MYO15A: variants seen among roughly 807,000 people sequenced by gnomAD.
MYO15A encodes the protein unconventional myosin-XV.
A neutral mutation model predicts 394.6 loss-of-function variants in MYO15A; 308 were observed. The ratio of observed to expected loss-of-function variants is 0.78; its 90% CI spans 0.71 to 0.86. MYO15A has a LOEUF of 0.86. Ranked by LOEUF, MYO15A falls within the 40% of genes least tolerant of loss-of-function variation. The probability of loss-of-function intolerance (pLI) is 0.00; values close to 1 mark genes in which losing one functional copy is unlikely to be tolerated. For synonymous variants in MYO15A, 1,957 were observed against 2,003.8 expected (o/e 0.98, Z 0.62); for missense variants, 4,606 against 4,799.1 (o/e 0.96, Z 1.19).
chr17:18,159,431 G>C (rs2046741537), intron 54 of MYO15A, 84 bp downstream of exon 54: 3 of 1,534,098 alleles, frequency 2.0e-6, no homozygotes, highest in Non-Finnish European at 2.7e-6. Context: ...ACTCCTCCCT[G>C]ATCTTCAGAT....
Position 18,141,644 on chromosome 17 carries a change from C to T in MYO15A, c.5532-9C>T, listed in dbSNP as rs1157083278. 3 of 1,613,228 alleles carry T rather than the reference C, an allele frequency of 1.9e-6. No homozygotes were observed. Among genetic ancestry groups the T allele is most frequent in the African/African-American group, 2.7e-5 (2 of 74,904 alleles). On this transcript the variant is annotated splice_polypyrimidine_tract_variant and intron_variant, in intron 22 of 65. Transcript: ENST00000647165. ...CATAGCCCCAGACTAACTTTGGGCC[C>T]CCTACCAGGTACTGCTGTCTAGTGG...
rs2046692004 is a variant in MYO15A at position 18,157,228 on chromosome 17, T to A, written c.8786T>A (p.Phe2929Tyr). 3 of 1,603,348 alleles carry A rather than the reference T, an allele frequency of 1.9e-6. No individual in the cohort carries two copies. The highest frequency in any genetic ancestry group is 2.7e-5 in the African/African-American group (2 of 74,716). ...LEELRRRGPD[F>Y]GWRFGTIHGR... ...GAGCTGCGACGTAGAGGCCCCGACT[T>A]TGGTGTGTGCCCCAGAACCTGGAAC... Residue 2929 changes from phenylalanine to tyrosine, a missense_variant and splice_region_variant, in exon 50 of 66, where the codon TTT becomes TAT. Physicochemically the swap from Phe to Tyr is conservative, Grantham distance 22. Transcript: ENST00000647165.
At chr17:18,136,804 T>TCATG in intron 15 of MYO15A, 118 bp downstream of exon 15, 1 of 1,381,042 alleles carries the variant, frequency 7.2e-7, no homozygotes, top group East Asian at 2.5e-5. Flanking sequence ...CATCCTCCCT[T>TCATG]CATGGACCCC....
Position 18,153,682 on chromosome 17 carries a change from C to G in MYO15A, c.7967-93C>G, listed in dbSNP as rs2046623820. ...CACTGCACTCTAGCCTGGGGGACAA[C>G]AGCGAAACTCCGTCTCAAAAATATA... On this transcript the variant is annotated intron_variant, in intron 42 of 65. Coordinates refer to ENST00000647165, the MANE Select transcript of MYO15A (RefSeq NM_016239.4). The surrounding 1 kb of genome is among the most constrained non-coding windows in gnomAD (Gnocchi z 4.1). 1 of 1,243,726 alleles carries G rather than the reference C, an allele frequency of 8.0e-7. No individual in the cohort carries two copies. 77.0% of individuals were successfully genotyped at this position (1,243,726 alleles called of 1,614,324 possible).
At chr17:18,162,855 C>T (rs2046796320) in intron 58 of MYO15A, among the ~76,000 whole-genome samples, 176 bp downstream of exon 58, 1 of 152,158 alleles carries the variant, frequency 6.6e-6, no homozygotes, top group South Asian at 2.1e-4. Context: ...CAAAAATTAG[C>T]CGGGCATGGT....
At position 18,127,391 on chromosome 17, in the gene MYO15A, A is replaced by T. The variant is rs73979301; in HGVS notation, c.4032+226A>T. On this transcript the variant is annotated intron_variant, in intron 7 of 65. Coordinates refer to ENST00000647165, the MANE Select transcript of MYO15A (RefSeq NM_016239.4). ...TGTTTCTGTGGCAGCTCCTGCTTCC[A>T]GCCCTCCGGGTCCAGTTCAGAGTGG... 3.8e-3 allele frequency among the ~76,000 whole-genome samples: 582 copies of T among 152,214 alleles called. 3 individuals are homozygous for T. The highest frequency in any genetic ancestry group is 0.013 in the African/African-American group (527 of 41,508).
At position 18,173,553 on chromosome 17, in the gene MYO15A, A is replaced by G. The variant is rs571173689; in HGVS notation, c.10351-228A>G. On this transcript the variant is annotated intron_variant, in intron 64 of 65. Transcript: ENST00000647165. ...CTTAGAACAGTGCCTGGTACATGATAGATGCATCATCTCATCAGTATTTGT... is the reference window on the plus strand; with the variant it reads ...CTTAGAACAGTGCCTGGTACATGATGGATGCATCATCTCATCAGTATTTGT... 3.4e-4 allele frequency: 199 copies of G among 585,474 alleles called. 1 individual carries two copies. Among genetic ancestry groups the G allele is most frequent in the Non-Finnish European group, 5.3e-4 (166 of 313,676 alleles). 36.3% of individuals were successfully genotyped at this position (585,474 alleles called of 1,614,324 possible). A position where few individuals can be genotyped will look rare whatever the true frequency, so the allele number is the denominator to read the frequency against.
At position 18,122,321 on chromosome 17, in the gene MYO15A, C is replaced by T; in HGVS notation, c.3521C>T (p.Pro1174Leu). 1 of 1,612,982 alleles carries T rather than the reference C, an allele frequency of 6.2e-7. No homozygotes were observed. Among genetic ancestry groups the T allele is most frequent in the South Asian group, 1.1e-5 (1 of 91,086 alleles). Residue 1174 changes from proline to leucine, a missense_variant, in exon 2 of 66, where the codon CCC becomes CTC. This residue lies in a region of MYO15A where 1,830 missense variants were observed against 1,689.7 expected (regional missense o/e 1.08). Coordinates refer to ENST00000647165, the MANE Select transcript of MYO15A (RefSeq NM_016239.4). Reference protein sequence around the residue: ...YGPWPRVHTHPQSCHLGPGAA... With the variant: ...YGPWPRVHTHLQSCHLGPGAA... The stretch of plus-strand genomic sequence containing the variant: ...CCCTGGCCACGAGTACACACCCATC[C>T]CCAGTCCTGCCACCTGGGCCCTGGA...
chr17:18,171,571 T>C (rs2046940241), intron 62 of MYO15A, 67 bp from the exon 63 acceptor site: 1 of 1,610,086 alleles, frequency 6.2e-7, no homozygotes. Context: ...GCATGCCTGC[T>C]GCACAGTGAG....
rs1006770 is a variant in MYO15A at position 18,155,147 on chromosome 17, G to A, written c.8262G>A (p.Thr2754=). The part of the protein sequence containing the change: ...NQLDTQKPLV[T]ESVKRAVVST... ...TGGACACACAGAAGCCTCTGGTAACGGAAAGCGTGAAGCGGGCCGTGGTCA... is the reference window on the plus strand; with the variant it reads ...TGGACACACAGAAGCCTCTGGTAACAGAAAGCGTGAAGCGGGCCGTGGTCA... The change falls in exon 46 of 66, where the codon ACG becomes ACA. Residue 2754 remains threonine, a synonymous_variant. Transcript: ENST00000647165. The A allele has an allele frequency of 2.8e-3, 4,569 of 1,613,968 alleles. 75 individuals carry two copies. The African/African-American group carries it at 0.038, about 13-fold the overall frequency.
intron 62 of MYO15A, 145 bp from the exon 63 acceptor site, chr17:18,171,493 C>G: frequency 8.0e-7 from 1 of 1,253,282 alleles, no homozygotes; most frequent in Non-Finnish European, 1.2e-6. Context: ...ACCTCTACCC[C>G]ACTTTCAGCC....
chr17:18,112,502 T>A (rs1452353719), intron 1 of MYO15A, among the ~76,000 whole-genome samples: 1 of 152,116 alleles, frequency 6.6e-6, no homozygotes, highest in Non-Finnish European at 1.5e-5. Flanking sequence ...TTCAAGTGAT[T>A]CTTCTGCCTC....
At chr17:18,139,865 G>A (rs541295262) in intron 19 of MYO15A, among the ~76,000 whole-genome samples, 10 of 152,258 alleles carry the variant, frequency 6.6e-5, no homozygotes, top group African/African-American at 2.2e-4. Flanking sequence ...CTCTGGCCCC[G>A]CTCCCAGTTC....
At chr17:18,165,954 A>G (rs2046847793) in intron 60 of MYO15A, among the ~76,000 whole-genome samples, 1 of 152,160 alleles carries the variant, frequency 6.6e-6, no homozygotes, top group African/African-American at 2.4e-5. Flanking sequence ...ACTGGGTCTC[A>G]TAGTGTGAGG....
rs1402110490 is a variant in MYO15A, at chr17:18,143,876, G to A, written c.6053G>A (p.Gly2018Glu). ...TTCCCTCCTCTTTCCACAGGCCTCG[G>A]GCTGGCCCAGGTGCCTCAGGTGGCC... is the stretch of plus-strand genomic sequence containing the variant. ...AGLLQAVAGLGLAQVPQVAPV... is the reference protein window; with the variant it reads ...AGLLQAVAGLELAQVPQVAPV... The change falls in exon 28 of 66, where the codon GGG becomes GAG. Residue 2018 changes from glycine to glutamate, a missense_variant. Gly to Glu is a moderately conservative substitution (Grantham distance 98). Coordinates refer to ENST00000647165, the MANE Select transcript of MYO15A (RefSeq NM_016239.4). The A allele has an allele frequency of 5.1e-6, 8 of 1,583,232 alleles. No individual in the cohort carries two copies. Among genetic ancestry groups the A allele is most frequent in the African/African-American group, 1.3e-5 (1 of 74,388 alleles).
At chr17:18,154,880 C>T in intron 45 of MYO15A, 125 bp downstream of exon 45, 1 of 1,141,820 alleles carries the variant, frequency 8.8e-7, no homozygotes, top group Non-Finnish European at 1.3e-6. Flanking sequence ...TGCCTCCTTG[C>T]TCTGCTTCTC....
At chr17:18,140,341 C>T in intron 19 of MYO15A, 176 bp from the exon 20 acceptor site, 2 of 863,144 alleles carry the variant, frequency 2.3e-6, no homozygotes, top group Non-Finnish European at 3.7e-6. Flanking sequence ...GATGCTGAGC[C>T]CCACCTGTTT....
At chr17:18,152,214 G>T (rs1195883041) in intron 42 of MYO15A, 30 bp downstream of exon 42, 1 of 1,540,946 alleles carries the variant, frequency 6.5e-7, no homozygotes, top group Admixed American at 2.0e-5. Context: ...GGGAGGGGAG[G>T]GTGTCCAAGT....
At position 18,149,240 on chromosome 17, in the gene MYO15A, G is replaced by T; in HGVS notation, c.6981G>T (p.Ser2327=). 3.1e-6 allele frequency: 5 copies of T among 1,614,016 alleles called. No individual in the cohort carries two copies. The highest frequency in any genetic ancestry group is 4.2e-6 in the Non-Finnish European group (5 of 1,179,972). Residue 2327 remains serine (S), a synonymous_variant, in exon 34 of 66, where the codon TCG becomes TCT. Transcript: ENST00000647165. ...PKVVFGNSWD[S]DEDMSTRPQP... ...GGGTGTTTGGGAACAGCTGGGACTC[G>T]GATGAGGACATGTCCACTAGACCCC... is the stretch of plus-strand genomic sequence containing the variant.
Sources: allele counts gnomAD v4.1 joint callset (sites outside exome capture counted in the v4.1 genomes callset), GRCh38; gene constraint gnomAD v4.1.1; regional missense constraint gnomAD v4.1.1; non-coding constraint Gnocchi (gnomAD v3.1); transcripts MANE v1.5; gene names NCBI Gene and HGNC (gene_info 2026-07-23, HGNC 2026-07-21).